Variants in CNOT2 observed in about 807,000 individuals in gnomAD.
CNOT2 encodes CC chemokine receptor 4-negative regulator of transcription 2.
A neutral mutation model predicts 72.1 loss-of-function variants in CNOT2; 7 were observed. The ratio of observed to expected loss-of-function variants is 0.10; its 90% CI spans 0.06 to 0.18. CNOT2 has a LOEUF of 0.18. Ranked by LOEUF, CNOT2 falls within the 10% of genes least tolerant of loss-of-function variation. The pLI, the probability that CNOT2 is intolerant of heterozygous loss-of-function variation, is 1.00. For synonymous variants in CNOT2, 196 were observed against 225.6 expected, an observed-to-expected ratio of 0.87 and a Z score of 1.17; for missense variants, 345 against 660.3, an observed-to-expected ratio of 0.52 and a Z score of 5.23.
intron 1 of CNOT2, among the ~76,000 whole-genome samples, chr12:70,258,081 C>T (rs919630208): frequency 6.6e-5 from 10 of 152,208 alleles, no homozygotes; most frequent in African/African-American, 2.2e-4. Flanking sequence ...ATTTTATATT[C>T]ACTTCTATTT....
chr12:70,262,305 G>A (rs1008346351), intron 1 of CNOT2, among the ~76,000 whole-genome samples: 1 of 151,892 alleles, frequency 6.6e-6, no homozygotes, highest in African/African-American at 2.4e-5. Flanking sequence ...ACGGAGTCTC[G>A]CTCTGTCGCC....
intron 15 of CNOT2, among the ~76,000 whole-genome samples, chr12:70,351,320 C>T (rs17226220): frequency 0.078 from 11,808 of 152,090 alleles, 575 homozygotes; most frequent in Admixed American, 0.15. Flanking sequence ...CTTGCTCCTA[C>T]AGAATGTATG....
chr12:70,345,341 C>G (rs953410071), intron 14 of CNOT2: 2 of 151,934 alleles, frequency 1.3e-5, no homozygotes, highest in African/African-American at 2.4e-5. Flanking sequence ...GGATTTTTCC[C>G]TTATGTTTTT....
At chr12:70,318,330 T>C (rs1877698076) in intron 3 of CNOT2, among the ~76,000 whole-genome samples, 1 of 152,040 alleles carries the variant, frequency 6.6e-6, no homozygotes, top group Non-Finnish European at 1.5e-5. Context: ...ATAGTTATCC[T>C]ATCACCACTG....
At chr12:70,294,462 A>G (rs1033184711) in intron 2 of CNOT2, among the ~76,000 whole-genome samples, 3 of 152,230 alleles carry the variant, frequency 2.0e-5, no homozygotes, top group South Asian at 4.1e-4. Context: ...AAAATAGTGA[A>G]GAAATAATTT....
intron 2 of CNOT2, among the ~76,000 whole-genome samples, chr12:70,310,152 G>A (rs1229958590): frequency 3.3e-5 from 5 of 152,062 alleles, no homozygotes; most frequent in Non-Finnish European, 7.4e-5. Context: ...TTTTATGTGA[G>A]AGAATTGAGC....
intron 2 of CNOT2, among the ~76,000 whole-genome samples, chr12:70,282,059 C>T (rs1869959769): frequency 6.6e-6 from 1 of 152,062 alleles, no homozygotes. Flanking sequence ...TTGGTACTGC[C>T]AATACCTAGC....
At chr12:70,277,963 C>T (rs1163818433) in intron 1 of CNOT2, among the ~76,000 whole-genome samples, 169 bp from the exon 2 acceptor site, 1 of 152,076 alleles carries the variant, frequency 6.6e-6, no homozygotes, top group East Asian at 1.9e-4. Flanking sequence ...ATTTCTGTTG[C>T]AAATAAAGTA....
At chr12:70,263,478 G>C (rs140801104) in intron 1 of CNOT2, among the ~76,000 whole-genome samples, 1 of 151,774 alleles carries the variant, frequency 6.6e-6, no homozygotes, top group Non-Finnish European at 1.5e-5. Context: ...ATATGCTTTT[G>C]AGCCCCTCTT....
At chr12:70,266,180 C>T (rs566954855) in intron 1 of CNOT2, among the ~76,000 whole-genome samples, 1 of 151,870 alleles carries the variant, frequency 6.6e-6, no homozygotes, top group Non-Finnish European at 1.5e-5. Context: ...CATCTTGGCT[C>T]ACCACAACCT....
At chr12:70,275,800 G>A (rs1011907045) in intron 1 of CNOT2, among the ~76,000 whole-genome samples, 9 of 151,970 alleles carry the variant, frequency 5.9e-5, no homozygotes, top group African/African-American at 1.7e-4. Flanking sequence ...TCTCTTTGAC[G>A]TATTGTACAT....
At chr12:70,345,253 G>A (rs776181870) in intron 14 of CNOT2, 1 of 152,048 alleles carries the variant, frequency 6.6e-6, no homozygotes, top group Non-Finnish European at 1.5e-5. Flanking sequence ...TTCTATAAAT[G>A]GCTTTGGATC....
At chr12:70,351,664 G>C (rs1882881350) in intron 15 of CNOT2, among the ~76,000 whole-genome samples, 1 of 152,134 alleles carries the variant, frequency 6.6e-6, no homozygotes, top group African/African-American at 2.4e-5. Context: ...AACTTACTCA[G>C]TATAACTTAC....
chr12:70,267,591 A>C (rs1342154299), intron 1 of CNOT2, among the ~76,000 whole-genome samples: 2 of 152,206 alleles, frequency 1.3e-5, no homozygotes, highest in Non-Finnish European at 2.9e-5. Flanking sequence ...AACTCACTGC[A>C]CTGCACTTAT....
At chr12:70,292,399 G>GT (rs1565776007) in intron 2 of CNOT2, among the ~76,000 whole-genome samples, 1 of 152,066 alleles carries the variant, frequency 6.6e-6, no homozygotes, top group African/African-American at 2.4e-5. Flanking sequence ...AATGTAAGGG[G>GT]TGGGGGACAA....
At chr12:70,345,799 A>G (rs1882089816) in intron 14 of CNOT2, 1 of 158,158 alleles carries the variant, frequency 6.3e-6, no homozygotes, top group South Asian at 2.0e-4. Context: ...ATAGTTGGAG[A>G]TACCTCAATT....
chr12:70,285,076 A>T (rs928649715), intron 2 of CNOT2, among the ~76,000 whole-genome samples: 3 of 152,236 alleles, frequency 2.0e-5, no homozygotes, highest in African/African-American at 7.2e-5. Context: ...AATAGTTTAC[A>T]TTTAAGTGGT....
At chr12:70,277,060 C>T (rs1035146056) in intron 1 of CNOT2, among the ~76,000 whole-genome samples, 1 of 151,900 alleles carries the variant, frequency 6.6e-6, no homozygotes, top group African/African-American at 2.4e-5. Context: ...CTAATTCACT[C>T]TCCTTATAAA....
chr12:70,342,679 C>T (rs1245810365), intron 13 of CNOT2, among the ~76,000 whole-genome samples: 1 of 151,834 alleles, frequency 6.6e-6, no homozygotes, highest in Non-Finnish European at 1.5e-5. Context: ...TGACCTTTGA[C>T]TTTTCTCTGT....
Sources: allele counts gnomAD v4.1 joint callset (sites outside exome capture counted in the v4.1 genomes callset), GRCh38; gene constraint gnomAD v4.1.1; transcripts MANE v1.5; gene names NCBI Gene and HGNC (gene_info 2026-07-23, HGNC 2026-07-21).